Variants in ZFHX3 observed in about 807,000 individuals in gnomAD.
ZFHX3 encodes the protein zinc finger homeobox protein 3.
Under a neutral mutation model 279.1 loss-of-function variants are expected in ZFHX3, and 42 were observed. That is an observed-to-expected ratio of 0.15 (90% CI 0.12 to 0.19). The LOEUF (loss-of-function observed/expected upper bound fraction) is 0.19, where lower values mean the gene tolerates loss of function less well. ZFHX3 is among the 10% of genes least tolerant of loss of function. The pLI, the probability that ZFHX3 is intolerant of heterozygous loss-of-function variation, is 1.00. For synonymous variants in ZFHX3, 2,293 were observed against 1,957.8 expected, an observed-to-expected ratio of 1.17 and a Z score of -4.52; for missense variants, 4,981 against 4,754.0, an observed-to-expected ratio of 1.05 and a Z score of -1.40.
At chr16:73,493,399 G>A (rs538705599) in intron 2 of ZFHX3, among the ~76,000 whole-genome samples, 9 of 152,276 alleles carry the variant, frequency 5.9e-5, no homozygotes, top group African/African-American at 2.2e-4. Flanking sequence ...AGGCTTGTAA[G>A]TTCTATCACA....
intron 3 of ZFHX3, among the ~76,000 whole-genome samples, chr16:73,332,913 T>C (rs1174052876): frequency 1.3e-5 from 2 of 152,204 alleles, no homozygotes; most frequent in African/African-American, 4.8e-5. Context: ...TAGAAATCTA[T>C]GGTTGCTCTC....
In ZFHX3 at chr16:73,722,806, G is replaced by C. The variant is rs1485168176; in HGVS notation, c.-1607-42566C>G. On this transcript the variant is annotated intron_variant, in intron 1 of 17. Coordinates refer to the ZFHX3 transcript ENST00000641206. Reference sequence around the variant, plus strand: ...CCCAAATCTCTCTGGAAAGGGTACAGTTTATAATTTTTAGTATCTCTTTAA... The same window carrying C: ...CCCAAATCTCTCTGGAAAGGGTACACTTTATAATTTTTAGTATCTCTTTAA... Among the ~76,000 whole-genome samples the C allele has an allele frequency of 2.0e-5, 3 of 152,194 alleles. No homozygotes were observed. The South Asian group carries it at 6.2e-4, about 32-fold the overall frequency.
upstream of ZFHX3, among the ~76,000 whole-genome samples, chr16:73,053,126 G>A (rs1965479344): frequency 6.6e-6 from 1 of 152,146 alleles, no homozygotes; most frequent in East Asian, 1.9e-4. Flanking sequence ...TCTATTAGAG[G>A]AAAGCCTTTG....
intron 1 of ZFHX3, among the ~76,000 whole-genome samples, chr16:72,998,915 C>A (rs1963391648): frequency 6.6e-6 from 1 of 152,140 alleles, no homozygotes. Context: ...TAAACTAGAC[C>A]CCTGGGGTTT....
chr16:73,889,886 A>T (rs941371861), intron 1 of ZFHX3, among the ~76,000 whole-genome samples: 1 of 152,186 alleles, frequency 6.6e-6, no homozygotes, highest in Admixed American at 6.5e-5. Flanking sequence ...AAATTATCCA[A>T]TTAGGAAATC....
rs1371275904 is a variant in ZFHX3, at chr16:72,787,306, G to T, written c.10970C>A (p.Thr3657Lys). 1 of 1,613,938 alleles carries T rather than the reference G, an allele frequency of 6.2e-7. No homozygotes were observed. The highest frequency in any genetic ancestry group is 8.5e-7 in the Non-Finnish European group (1 of 1,180,008). ...GTCAGACTCCTCCGAATAGTCGTCT[G>T]TTGGCATCGAGGGCTGAACCCCTGA... ...STSGVQPSMP[T>K]DDYSEESDTD... is the part of the protein sequence containing the mutation. The change falls in exon 10 of 10, where the codon ACA becomes AAA. Residue 3657 changes from threonine (T) to lysine (K), a missense_variant. By Grantham distance (78) the Thr-to-Lys change is moderately conservative. Coordinates refer to ENST00000268489, the MANE Select transcript of ZFHX3 (RefSeq NM_006885.4).
chr16:73,198,537 G>T lies in ZFHX3; in HGVS notation c.-1103-54706C>A, dbSNP rs1036893353. 1.8e-4 allele frequency among the ~76,000 whole-genome samples: 28 copies of T among 151,928 alleles called. 2 individuals carry two copies. The highest frequency in any genetic ancestry group is 1.1e-3 in the Admixed American group (17 of 15,262). On this transcript the variant is annotated intron_variant, in intron 5 of 17. Transcript: ENST00000641206. ...TCTTCTCTAGCTTTCGTTGATTATC[G>T]AGAAACAAAGGCCAGAAACTGCATG...
chr16:72,907,903 C>A (rs2039223886), intron 3 of ZFHX3, among the ~76,000 whole-genome samples: 1 of 152,034 alleles, frequency 6.6e-6, no homozygotes, highest in Non-Finnish European at 1.5e-5. Context: ...AGGCTGGTCT[C>A]AAACTCCTGG....
At chr16:73,720,188 T>G (rs1023792339) in intron 1 of ZFHX3, among the ~76,000 whole-genome samples, 2 of 152,202 alleles carry the variant, frequency 1.3e-5, no homozygotes, top group Non-Finnish European at 2.9e-5. Context: ...CAATCTCTAG[T>G]GTGGAAAAAG....
intron 2 of ZFHX3, among the ~76,000 whole-genome samples, chr16:73,671,064 G>A (rs1416297917): frequency 6.6e-6 from 1 of 152,162 alleles, no homozygotes; most frequent in Non-Finnish European, 1.5e-5. Context: ...TGCATGATGG[G>A]TGGTCCTCAC....
intron 4 of ZFHX3, among the ~76,000 whole-genome samples, chr16:73,303,647 C>T (rs1040455828): frequency 2.0e-5 from 3 of 152,096 alleles, no homozygotes; most frequent in Non-Finnish European, 1.5e-5. Flanking sequence ...CAAAAACCTA[C>T]CTTCCTATGA....
intron 4 of ZFHX3, among the ~76,000 whole-genome samples, chr16:72,855,983 C>G (rs2037745092): frequency 6.6e-6 from 1 of 152,216 alleles, no homozygotes; most frequent in Admixed American, 6.5e-5. Context: ...ACACCAAGCA[C>G]AGAGGTTGCC....
intron 3 of ZFHX3, among the ~76,000 whole-genome samples, chr16:73,404,084 A>T (rs2017310780): frequency 6.6e-6 from 1 of 152,130 alleles, no homozygotes; most frequent in Non-Finnish European, 1.5e-5. Flanking sequence ...ACCAGTGGGA[A>T]CTCTGAGGAT....
At chr16:73,419,502 G>T (rs2017672787) in intron 3 of ZFHX3, among the ~76,000 whole-genome samples, 1 of 152,030 alleles carries the variant, frequency 6.6e-6, no homozygotes, top group African/African-American at 2.4e-5. Context: ...ATGCCTTGGT[G>T]GTGGCCCCTG....
At chr16:73,642,499 C>T (rs1429714685) in intron 2 of ZFHX3, among the ~76,000 whole-genome samples, 1 of 152,180 alleles carries the variant, frequency 6.6e-6, no homozygotes, top group Non-Finnish European at 1.5e-5. Flanking sequence ...ATACATAAAG[C>T]AATTTGATCA....
intron 1 of ZFHX3, among the ~76,000 whole-genome samples, chr16:73,830,465 G>C (rs1297200992): frequency 2.0e-5 from 3 of 152,212 alleles, no homozygotes; most frequent in Non-Finnish European, 4.4e-5. Flanking sequence ...GCAGAAGCAA[G>C]GGTTAACTGT....
intron 4 of ZFHX3, among the ~76,000 whole-genome samples, chr16:72,856,873 C>G (rs1053244651): frequency 6.6e-6 from 1 of 152,144 alleles, no homozygotes; most frequent in African/African-American, 2.4e-5. Context: ...TAAATACAGA[C>G]AGGAAGATTG....
At chr16:73,198,791 G>T (rs1294663070) in intron 5 of ZFHX3, among the ~76,000 whole-genome samples, 13 of 152,196 alleles carry the variant, frequency 8.5e-5, no homozygotes, top group Admixed American at 7.9e-4. Context: ...AGATGCAGGA[G>T]GGAAGCAAGT....
At chr16:73,133,828 C>A (rs768684305) in intron 6 of ZFHX3, among the ~76,000 whole-genome samples, 1 of 152,160 alleles carries the variant, frequency 6.6e-6, no homozygotes, top group African/African-American at 2.4e-5. Flanking sequence ...TCACAGTAAT[C>A]CCCAAGAAAG....
Sources: allele counts gnomAD v4.1 joint callset (sites outside exome capture counted in the v4.1 genomes callset), GRCh38; gene constraint gnomAD v4.1.1; transcripts MANE v1.5; gene names NCBI Gene and HGNC (gene_info 2026-07-23, HGNC 2026-07-21).